Variants in SYCE1 observed in about 807,000 individuals in gnomAD.
SYCE1 encodes the protein synaptonemal complex central element protein 1, also known as cancer/testis antigen 76.
A neutral mutation model predicts 55.1 loss-of-function variants in SYCE1; 37 were observed. That is an observed-to-expected ratio of 0.67 (90% CI 0.52 to 0.88). The LOEUF (loss-of-function observed/expected upper bound fraction) is 0.88. Among genes scored for constraint, SYCE1 ranks in the 40% least tolerant of loss-of-function variants. SYCE1 has a pLI of 0.00. For synonymous variants in SYCE1, 163 were observed against 159.4 expected (o/e 1.02, Z -0.17); for missense variants, 399 against 416.4 (o/e 0.96, Z 0.36).
In SYCE1 at chr10:133,555,773, A is replaced by G; in HGVS notation, c.719+7T>C. ...CTCCTCCCACCCTCTTCCCCTCCAC[A>G]TCTTACACTGTGGCTGCAGCCTCCT... On this transcript the variant is annotated splice_region_variant and intron_variant, in intron 10 of 12. Transcript: ENST00000343131. The G allele has an allele frequency of 6.8e-6, 11 of 1,612,124 alleles. No individual in the cohort carries two copies. Among genetic ancestry groups the G allele is most frequent in the Non-Finnish European group, 9.3e-6 (11 of 1,179,874 alleles).
intron 1 of SYCE1, chr10:133,560,517 T>A (rs2133624362): frequency 6.1e-6 from 1 of 164,196 alleles, no homozygotes; most frequent in South Asian, 2.0e-4. Flanking sequence ...ATCTAGGAAG[T>A]TCTTAGAGAG....
chr10:133,554,401 A>G, downstream of SYCE1: 2 of 1,396,586 alleles, frequency 1.4e-6, no homozygotes, highest in Non-Finnish European at 2.0e-6. Flanking sequence ...TTTGACTCCC[A>G]CCATTGGTCT....
upstream of SYCE1, among the ~76,000 whole-genome samples, chr10:133,566,387 G>A (rs148005799): frequency 6.6e-6 from 1 of 152,308 alleles, no homozygotes; most frequent in East Asian, 1.9e-4. Flanking sequence ...TTAGGGTTTA[G>A]GGTTAGGGCT....
chr10:133,557,935 A>G lies in SYCE1; in HGVS notation c.320-17T>C. On this transcript the variant is annotated splice_polypyrimidine_tract_variant and intron_variant, in intron 5 of 12. Coordinates refer to ENST00000343131, the MANE Select transcript of SYCE1 (RefSeq NM_001143764.3). ...TCAGGGTCTCTGTAGGGAGAGCAAC[A>G]GGGCCCTATGAGAACCTGTCAAGGT... 1 of 1,613,878 alleles carries G rather than the reference A, an allele frequency of 6.2e-7. No individual in the cohort carries two copies. The highest frequency in any genetic ancestry group is 1.7e-5 in the Admixed American group (1 of 60,024).
chr10:133,557,283 G>A, intron 6 of SYCE1, 127 bp from the exon 7 acceptor site: 4 of 750,748 alleles, frequency 5.3e-6, no homozygotes, highest in Non-Finnish European at 9.2e-6. Flanking sequence ...TCTGTAACAT[G>A]TGGTAAGTAG....
At position 133,555,445 on chromosome 10, in the gene SYCE1, AG is replaced by A; in HGVS notation, c.831-8del. On this transcript the variant is annotated splice_region_variant and splice_polypyrimidine_tract_variant and intron_variant, in intron 11 of 12. Transcript: ENST00000343131. ...TTCCAGCTCTTCCTTCAGCCTGGACAGGAAGAGGTAGGATGGGGGAAGGAAG... is the reference window on the plus strand; with the variant it reads ...TTCCAGCTCTTCCTTCAGCCTGGACAGAAGAGGTAGGATGGGGGAAGGAAG... The A allele has an allele frequency of 4.3e-6, 7 of 1,613,858 alleles. No individual in the cohort carries two copies. Among genetic ancestry groups the A allele is most frequent in the South Asian group, 1.1e-5 (1 of 91,066 alleles).
chr10:133,568,269 C>T (rs1388435485), upstream of SYCE1: 9 of 1,420,616 alleles, frequency 6.3e-6, no homozygotes, highest in South Asian at 1.2e-5. Flanking sequence ...CCCCGGGTCC[C>T]GCGGCCCTTC....
At chr10:133,564,325 G>C (rs187361905) in intron 1 of SYCE1, 2 of 948,882 alleles carry the variant, frequency 2.1e-6, no homozygotes, top group Admixed American at 6.2e-5. Flanking sequence ...TTCTAGCCTC[G>C]AAAACTGTGA....
At chr10:133,567,195 G>C (rs2133639082), upstream of SYCE1, among the ~76,000 whole-genome samples, 1 of 151,534 alleles carries the variant, frequency 6.6e-6, no homozygotes, top group African/African-American at 2.4e-5. Context: ...ATTAGGGCTA[G>C]AATTAGGGGT....
upstream of SYCE1, among the ~76,000 whole-genome samples, chr10:133,566,964 G>A (rs982645705): frequency 6.6e-6 from 1 of 151,686 alleles, no homozygotes; most frequent in South Asian, 2.1e-4. Context: ...GTTTGGGGTG[G>A]GGTAGTGGTA....
At chr10:133,558,256 T>TG (rs756799473) in intron 4 of SYCE1, 42 bp from the exon 5 acceptor site, 1 of 1,606,208 alleles carries the variant, frequency 6.2e-7, no homozygotes, top group South Asian at 1.1e-5. Context: ...GACTATGCAC[T>TG]GCACCCTCAG....
intron 8 of SYCE1, 145 bp downstream of exon 8, chr10:133,556,614 G>A: frequency 2.5e-6 from 2 of 802,392 alleles, no homozygotes; most frequent in Non-Finnish European, 4.2e-6. Context: ...GGTGACAAGG[G>A]ACTGGATTCA....
At chr10:133,557,246 T>C (rs924031081) in intron 6 of SYCE1, 90 bp from the exon 7 acceptor site, 7 of 1,056,660 alleles carry the variant, frequency 6.6e-6, no homozygotes, top group South Asian at 5.3e-5. Flanking sequence ...ATTGAGGCTA[T>C]TTTTTCCCTC....
chr10:133,560,653 T>C (rs11101828), intron 1 of SYCE1: 14,912 of 152,236 alleles, frequency 0.098, 896 homozygotes, highest in East Asian at 0.25. Flanking sequence ...CCATAAAATA[T>C]TTCATGTTAA....
At chr10:133,567,711 A>G (rs3020499), upstream of SYCE1, 174,980 of 228,010 alleles carry the variant, frequency 0.77, 71,440 homozygotes, top group Non-Finnish European at 0.89. Context: ...CTGGGCAGGC[A>G]TGGGGAGCTG....
At chr10:133,568,060 G>C (rs781453249), upstream of SYCE1, 3 of 645,028 alleles carry the variant, frequency 4.7e-6, no homozygotes, top group South Asian at 4.8e-5. Flanking sequence ...GTGCGGCCCG[G>C]GGGCCAGATG....
rs1203058354 is a variant in SYCE1 at position 133,564,214 on chromosome 10, C to G, written c.73+1243G>C. On this transcript the variant is annotated intron_variant, in intron 1 of 12. Coordinates refer to ENST00000343131, the MANE Select transcript of SYCE1 (RefSeq NM_001143764.3). ...AGTGCCCTTATAAGACCAGAGAGGTCTGCAGCAACTTCCCCAACATGAGGA... is the reference window on the plus strand; with the variant it reads ...AGTGCCCTTATAAGACCAGAGAGGTGTGCAGCAACTTCCCCAACATGAGGA... Among the ~76,000 whole-genome samples the G allele has an allele frequency of 3.9e-5, 6 of 152,208 alleles. No homozygotes were observed. The East Asian group carries it at 1.2e-3, about 29-fold the overall frequency.
intron 9 of SYCE1, 32 bp downstream of exon 9, chr10:133,555,949 A>G (rs1296132806): frequency 1.9e-6 from 3 of 1,613,652 alleles, no homozygotes; most frequent in Non-Finnish European, 2.5e-6. Flanking sequence ...ACGTGAGGTC[A>G]GATATGGGCC....
intron 1 of SYCE1, among the ~76,000 whole-genome samples, chr10:133,562,974 AAG>A (rs1851849179): frequency 6.5e-5 from 1 of 15,284 alleles, no homozygotes; most frequent in African/African-American, 7.4e-5. Context: ...ATCACAGGCC[AAG>A]GCCAAGGCCG....
Sources: gnomAD v4.1 joint callset for allele counts (sites outside exome capture counted in the v4.1 genomes callset) on GRCh38, gnomAD v4.1.1 for gene constraint, MANE v1.5 for transcripts, NCBI Gene and HGNC (gene_info 2026-07-23, HGNC 2026-07-21) for gene names.